Variants in NEK2 observed in about 807,000 individuals in gnomAD.
NEK2 encodes serine/threonine-protein kinase Nek2.
NEK2 carries 28 observed loss-of-function variants against 54.1 expected under a neutral mutation model. That is an observed-to-expected ratio of 0.52 (90% CI 0.38 to 0.71). The LOEUF is 0.71. Among genes scored for constraint, NEK2 ranks in the 30% least tolerant of loss-of-function variants. NEK2 has a pLI of 0.00. For synonymous variants in NEK2, 176 were observed against 193.1 expected (o/e 0.91, Z 0.73); for missense variants, 407 against 531.5 (o/e 0.77, Z 2.30).
rs1286575982 is a variant in NEK2 at position 211,663,449 on chromosome 1, T to C, written c.1315A>G (p.Arg439Gly). The change falls in exon 8 of 8, where the codon AGA (arginine) becomes GGA (glycine). Residue 439 changes from arginine (R) to glycine (G), a missense_variant. Coordinates refer to ENST00000366999, the MANE Select transcript of NEK2 (RefSeq NM_002497.4). ...DIEKNYQLKS[R>G]QILGMR ...GGCTAGCGCATGCCCAGGATCTGTC[T>C]GCTTTTCAGTTGGTAATTTTTCTCA... The C allele has an allele frequency of 8.1e-6, 13 of 1,613,260 alleles. No homozygotes were observed. Among genetic ancestry groups the C allele is most frequent in the Non-Finnish European group, 1.0e-5 (12 of 1,179,572 alleles).
chr1:211,666,200 A>T (rs994121377), intron 7 of NEK2, among the ~76,000 whole-genome samples: 3 of 152,226 alleles, frequency 2.0e-5, no homozygotes, highest in Non-Finnish European at 4.4e-5. Context: ...ACAATGCCAC[A>T]CAAAGGCAGG....
At chr1:211,658,365 A>G (rs1654924508), downstream of NEK2, among the ~76,000 whole-genome samples, 1 of 152,200 alleles carries the variant, frequency 6.6e-6, no homozygotes, top group Non-Finnish European at 1.5e-5. Context: ...AGAACACTTC[A>G]TAGGTCACTT....
chr1:211,664,691 G>A (rs139669022), intron 7 of NEK2, among the ~76,000 whole-genome samples: 13 of 152,330 alleles, frequency 8.5e-5, no homozygotes, highest in Admixed American at 5.2e-4. Context: ...CGCTTCATAC[G>A]TCGCTTCTGC....
At chr1:211,671,386 C>T (rs1193681787) in intron 3 of NEK2, 102 bp from the exon 4 acceptor site, 6 of 793,614 alleles carry the variant, frequency 7.6e-6, no homozygotes, top group Non-Finnish European at 1.2e-5. Flanking sequence ...AAAACAGAAC[C>T]TCAAAGTTTT....
At chr1:211,665,095 A>G (rs1655135301) in intron 7 of NEK2, among the ~76,000 whole-genome samples, 1 of 152,218 alleles carries the variant, frequency 6.6e-6, no homozygotes, top group African/African-American at 2.4e-5. Context: ...CAAATACGAA[A>G]AGAACAGCTT....
intron 5 of NEK2, among the ~76,000 whole-genome samples, chr1:211,669,700 T>C (rs1164757886): frequency 6.6e-6 from 1 of 152,236 alleles, no homozygotes; most frequent in Non-Finnish European, 1.5e-5. Context: ...ACTCTCTCAC[T>C]GACTCTCAAT....
Position 211,663,567 on chromosome 1 carries a change from A to C in NEK2, c.1197T>G (p.Asn399Lys), listed in dbSNP as rs765260024. 1.2e-6 allele frequency: 2 copies of C among 1,613,894 alleles called. No homozygotes were observed. The highest frequency in any genetic ancestry group is 1.1e-5 in the South Asian group (1 of 91,074). The change falls in exon 8 of 8, where the codon AAT (asparagine) becomes AAG (lysine). Residue 399 changes from asparagine (N) to lysine (K), a missense_variant. By Grantham distance (94) the Asn-to-Lys change is moderately conservative (BLOSUM62 0). Coordinates refer to ENST00000366999, the MANE Select transcript of NEK2 (RefSeq NM_002497.4). ...ACTTAGATGTGAGCTGACTCTCAGA[A>C]TTCTCACTCCTCATGATGTTCTCTT... ...ESKENIMRSE[N>K]SESQLTSKSK... is the part of the protein sequence containing the mutation.
rs1434511352 is a variant in NEK2, at chr1:211,671,282, T to C, written c.558A>G (p.Glu186=). 6.2e-7 allele frequency: 1 copy of C among 1,611,888 alleles called. No individual in the cohort carries two copies. Among genetic ancestry groups the C allele is most frequent in the Non-Finnish European group, 8.5e-7 (1 of 1,178,172 alleles). Residue 186 remains glutamate (E), a splice_region_variant and synonymous_variant, in exon 4 of 8, where the codon GAA becomes GAG. Coordinates refer to ENST00000366999, the MANE Select transcript of NEK2 (RefSeq NM_002497.4). ...CATTGTAGGACATGCGATTCATTTG[T>C]TCCTATACAGGGAAAAAGGGTAAGA... ...FVGTPYYMSP[E]QMNRMSYNEK... is the part of the protein sequence containing the mutation.
At chr1:211,659,025 C>T (rs997629649), downstream of NEK2, among the ~76,000 whole-genome samples, 1 of 152,102 alleles carries the variant, frequency 6.6e-6, no homozygotes, top group African/African-American at 2.4e-5. Context: ...TTTTTATGTA[C>T]AGGAACAATG....
In NEK2 at chr1:211,669,294, G is replaced by A; in HGVS notation, c.804C>T (p.Asn268=). The A allele has an allele frequency of 1.2e-6, 2 of 1,614,140 alleles. No individual in the cohort carries two copies. The highest frequency in any genetic ancestry group is 8.5e-7 in the Non-Finnish European group (1 of 1,180,010). Residue 268 remains asparagine (N), a synonymous_variant, in exon 6 of 8, where the codon AAC becomes AAT. Coordinates refer to ENST00000366999, the MANE Select transcript of NEK2 (RefSeq NM_002497.4). ...CTGCAACCAAATCTGCTATTAAAGG[G>A]TTCTCAAGAATTTCTTCAACAGAAG... The part of the protein sequence containing the change: ...HRPSVEEILE[N]PLIADLVADE...
intron 7 of NEK2, chr1:211,666,636 T>C: frequency 3.3e-6 from 1 of 304,222 alleles, no homozygotes; most frequent in Non-Finnish European, 4.8e-6. Flanking sequence ...CCGTCTCTAC[T>C]AAAAATACAA....
At position 211,663,094 on chromosome 1, in the gene NEK2, CATAA is replaced by C; in HGVS notation, c.*328_*331del. ...TATTCAGTGAGTGCTACTCTTCCTG[CATAA>C]ATATTTTTTTCCTAACATTATTTTT... On this transcript the variant is annotated 3_prime_UTR_variant, in exon 8 of 8. Transcript: ENST00000366999. 9.4e-7 allele frequency: 1 copy of C among 1,059,232 alleles called. No homozygotes were observed. The highest frequency in any genetic ancestry group is 1.1e-6 in the Non-Finnish European group (1 of 874,636). The allele number at this position is 1,059,232 out of a possible 1,614,324, so 65.6% of individuals were successfully genotyped here.
Position 211,663,350 on chromosome 1 carries a change from C to T in NEK2, c.*76G>A. On this transcript the variant is annotated 3_prime_UTR_variant, in exon 8 of 8. Coordinates refer to ENST00000366999, the MANE Select transcript of NEK2 (RefSeq NM_002497.4). ...GGCTCATGGAACCAAGTATTCAACA[C>T]TACAGCATTTGAATATCAGTCTTTA... 1 of 1,536,030 alleles carries T rather than the reference C, an allele frequency of 6.5e-7. No individual in the cohort carries two copies. The highest frequency in any genetic ancestry group is 8.8e-7 in the Non-Finnish European group (1 of 1,137,438).
chr1:211,670,805 AAAG>A (rs891654518), intron 4 of NEK2, among the ~76,000 whole-genome samples: 5 of 152,234 alleles, frequency 3.3e-5, no homozygotes, highest in African/African-American at 1.2e-4. Context: ...AAGAAAATGA[AAAG>A]AAGAACAAAG....
rs147972109 is a variant in NEK2, at chr1:211,673,064, T to A, written c.555+419A>T. Reference sequence around the variant, plus strand: ...ATTTTCAATTCTTGGCTACTAGATATTACTAAACAAACAGAAAACTCAATT... The same window carrying A: ...ATTTTCAATTCTTGGCTACTAGATAATACTAAACAAACAGAAAACTCAATT... On this transcript the variant is annotated intron_variant, in intron 3 of 7. Transcript: ENST00000366999. 2.0e-5 allele frequency among the ~76,000 whole-genome samples: 3 copies of A among 151,434 alleles called. No individual in the cohort carries two copies. In the East Asian group the frequency reaches 5.8e-4, roughly 29 times the overall value.
At chr1:211,664,580 TAAG>T (rs1655117212) in intron 7 of NEK2, among the ~76,000 whole-genome samples, 2 of 152,114 alleles carry the variant, frequency 1.3e-5, no homozygotes, top group African/African-American at 2.4e-5. Context: ...ATTTCTGAAG[TAAG>T]AAGCCACAGG....
Position 211,669,110 on chromosome 1 carries a change from T to G in NEK2, c.985+3A>C, listed in dbSNP as rs1571643728. The G allele has an allele frequency of 6.2e-7, 1 of 1,613,600 alleles. No homozygotes were observed. The highest frequency in any genetic ancestry group is 2.2e-5 in the East Asian group (1 of 44,894). The stretch of plus-strand genomic sequence containing the variant: ...CTTTGCTTTGACCCCCATTCAGACT[T>G]ACGCTCCAATCTTTCTTCTCTTGCT... On this transcript the variant is annotated splice_donor_region_variant and intron_variant, in intron 6 of 7. Transcript: ENST00000366999.
chr1:211,663,646 A>C lies in NEK2; in HGVS notation c.1118T>G (p.Leu373Arg), dbSNP rs1358139566. Reference sequence around the variant, plus strand: ...CTTAATTACTGAGGATGGAAGATTAAGAAGTTCTTTAGAAGGAAAAAGAAA... The same window carrying C: ...CTTAATTACTGAGGATGGAAGATTACGAAGTTCTTTAGAAGGAAAAAGAAA... ...FLSLASNPEL[L>R]NLPSSVIKKK... The change falls in exon 8 of 8, where the codon CTT becomes CGT. Residue 373 changes from leucine (L) to arginine (R), a missense_variant. Coordinates refer to ENST00000366999, the MANE Select transcript of NEK2 (RefSeq NM_002497.4). The C allele has an allele frequency of 1.2e-6, 2 of 1,613,478 alleles. No individual in the cohort carries two copies. Among genetic ancestry groups the C allele is most frequent in the African/African-American group, 2.7e-5 (2 of 75,032 alleles).
chr1:211,669,488 G>C, intron 5 of NEK2, 156 bp from the exon 6 acceptor site: 1 of 657,876 alleles, frequency 1.5e-6, no homozygotes, highest in South Asian at 2.0e-5. Context: ...TAAGTTCACT[G>C]GTGGTTTTAA....
Sources: gnomAD v4.1 joint callset for allele counts (sites outside exome capture counted in the v4.1 genomes callset) on GRCh38, gnomAD v4.1.1 for gene constraint, MANE v1.5 for transcripts, NCBI Gene and HGNC (gene_info 2026-07-23, HGNC 2026-07-21) for gene names.